The following TLE3 variants were observed in gnomAD, a reference collection of about 807,000 sequenced individuals.
The protein encoded by TLE3 is TLE family member 3, transcriptional corepressor, also known as transducin-like enhancer protein 3.
Under a neutral mutation model 93.0 loss-of-function variants are expected in TLE3, and 14 were observed. That is an observed-to-expected ratio of 0.15 (90% CI 0.10 to 0.24). The LOEUF is 0.24. Ranked by LOEUF, TLE3 falls within the 10% of genes least tolerant of loss-of-function variation. TLE3 has a pLI of 1.00. For missense variants in TLE3, 693 were observed against 1,046.6 expected, an observed-to-expected ratio of 0.66 and a Z score of 4.66; for synonymous variants, 451 against 425.0, an observed-to-expected ratio of 1.06 and a Z score of -0.75.
At chr15:70,062,839 T>G (rs2056581563) in intron 8 of TLE3, among the ~76,000 whole-genome samples, 1 of 152,162 alleles carries the variant, frequency 6.6e-6, no homozygotes. Context: ...CTGCCCAGCA[T>G]CTTGATTCAT....
intron 4 of TLE3, among the ~76,000 whole-genome samples, chr15:70,077,164 T>C (rs902517719): frequency 6.6e-5 from 10 of 152,342 alleles, no homozygotes; most frequent in Admixed American, 6.5e-4. Flanking sequence ...TAGAAAAGAC[T>C]GCATTTAGAA....
At position 70,069,750 on chromosome 15, in the gene TLE3, G is replaced by C. The variant is rs77026603; in HGVS notation, c.373-3532C>G. On this transcript the variant is annotated intron_variant, in intron 6 of 19. Coordinates refer to ENST00000451782, the MANE Select transcript of TLE3 (RefSeq NM_001105192.3). ...CGGAGGGTCCGCTAACAACAATCTT[G>C]GGTACAACAGAGAGTGAAACGAAGA... Among the ~76,000 whole-genome samples, 661 of 152,350 alleles carry C rather than the reference G, an allele frequency of 4.3e-3. 4 individuals are homozygous for C. Among genetic ancestry groups the C allele is most frequent in the African/African-American group, 0.015 (637 of 41,592 alleles).
At chr15:70,094,405 A>T in intron 4 of TLE3, 127 bp downstream of exon 4, 2 of 729,864 alleles carry the variant, frequency 2.7e-6, no homozygotes, top group Non-Finnish European at 4.6e-6. Flanking sequence ...GGATCCATTC[A>T]CTCTTCAAGG....
intron 4 of TLE3, among the ~76,000 whole-genome samples, chr15:70,082,842 C>G (rs117874490): frequency 0.019 from 2,941 of 152,276 alleles, 41 homozygotes; most frequent in South Asian, 0.054. Flanking sequence ...ACTCACCCTT[C>G]CCCAGCTAGG....
intron 8 of TLE3, among the ~76,000 whole-genome samples, chr15:70,061,179 G>A (rs1595891879): frequency 6.6e-6 from 1 of 152,136 alleles, no homozygotes; most frequent in African/African-American, 2.4e-5. Flanking sequence ...CAGTGGAGAT[G>A]AGCAGCCAAG....
chr15:70,081,775 G>A (rs1486397014), intron 4 of TLE3, among the ~76,000 whole-genome samples: 6 of 152,198 alleles, frequency 3.9e-5, no homozygotes, highest in Non-Finnish European at 5.9e-5. Flanking sequence ...ACCAGTTTGC[G>A]GATGTGTGTG....
rs982936169 is a variant in TLE3 at position 70,097,794 on chromosome 15, GCGCA to G, written c.-1000_-997del. On this transcript the variant is annotated 5_prime_UTR_variant, in exon 1 of 20. Coordinates refer to ENST00000451782, the MANE Select transcript of TLE3 (RefSeq NM_001105192.3). The stretch of plus-strand genomic sequence containing the variant: ...ACACACACCCAACACACACACACGC[GCGCA>G]CGCACACACACACACACCAAAAAAA... 4.6e-5 allele frequency: 17 copies of G among 365,896 alleles called. No individual in the cohort carries two copies. The highest frequency in any genetic ancestry group is 5.1e-5 in the Non-Finnish European group (11 of 213,622). 22.7% of individuals were successfully genotyped at this position (365,896 alleles called of 1,614,324 possible). A position where few individuals can be genotyped will look rare whatever the true frequency, so the allele number is the denominator to read the frequency against.
intron 5 of TLE3, among the ~76,000 whole-genome samples, chr15:70,075,137 T>C (rs2057376209): frequency 6.6e-6 from 1 of 152,222 alleles, no homozygotes; most frequent in South Asian, 2.1e-4. Flanking sequence ...ACAAAGTATG[T>C]TTCCAGATGA....
rs141655198 is a variant in TLE3 at position 70,084,700 on chromosome 15, G to A, written c.235-8542C>T. ...AGTTACTCAACCTCTTTAACCGTCA[G>A]TGCTGCTATCTGATGCGTGGCGCCC... On this transcript the variant is annotated intron_variant, in intron 4 of 19. Transcript: ENST00000451782. Among the ~76,000 whole-genome samples, 7 of 152,316 alleles carry A rather than the reference G, an allele frequency of 4.6e-5. No homozygotes were observed. In the South Asian group the frequency reaches 1.0e-3, roughly 23 times the overall value.
chr15:70,063,535 G>A (rs1018184039), intron 8 of TLE3, among the ~76,000 whole-genome samples: 2 of 152,192 alleles, frequency 1.3e-5, no homozygotes, highest in African/African-American at 2.4e-5. Flanking sequence ...AGAGAGCTGC[G>A]CAAGGAAGCT....
intron 4 of TLE3, among the ~76,000 whole-genome samples, chr15:70,082,836 A>G (rs570001153): frequency 3.6e-4 from 54 of 152,056 alleles, no homozygotes; most frequent in African/African-American, 1.3e-3. Context: ...AAACACACTC[A>G]CCCTTCCCCA....
intron 3 of TLE3, 118 bp from the exon 4 acceptor site, chr15:70,094,694 G>C (rs994185960): frequency 3.8e-6 from 3 of 782,736 alleles, no homozygotes; most frequent in Non-Finnish European, 6.1e-6. Flanking sequence ...ATTTGCTAAA[G>C]AAGTTTAAAT....
At position 70,048,659 on chromosome 15, in the gene TLE3, AC is replaced by A. The variant is rs1192500952; in HGVS notation, c.*1437del. 3 of 151,066 alleles carry A rather than the reference AC, an allele frequency of 2.0e-5. No homozygotes were observed. Among genetic ancestry groups the A allele is most frequent in the Non-Finnish European group, 3.0e-5 (2 of 67,624 alleles). The allele number at this position is 151,066 out of a possible 1,614,324, so 9.4% of individuals were successfully genotyped here. A position where few individuals can be genotyped will look rare whatever the true frequency, so the allele number is the denominator to read the frequency against. On this transcript the variant is annotated 3_prime_UTR_variant, in exon 20 of 20. Coordinates refer to ENST00000451782, the MANE Select transcript of TLE3 (RefSeq NM_001105192.3). Reference sequence around the variant, plus strand: ...AAAAAAGACCAAAAGGAAAAAAAAAACAAACAAAAAAAACCCAACCCAAATC... The same window carrying A: ...AAAAAAGACCAAAAGGAAAAAAAAAAAAACAAAAAAAACCCAACCCAAATC...
Position 70,097,742 on chromosome 15 carries a change from C to T in TLE3, c.-944G>A. On this transcript the variant is annotated 5_prime_UTR_variant, in exon 1 of 20. Coordinates refer to ENST00000451782, the MANE Select transcript of TLE3 (RefSeq NM_001105192.3). ...TCCTTCCCCTCGGCCCGGCTCTCCT[C>T]TCCGCGCCCCGGCAAACCCCCAAAA... 1 of 395,446 alleles carries T rather than the reference C, an allele frequency of 2.5e-6. No homozygotes were observed. The highest frequency in any genetic ancestry group is 4.5e-6 in the Non-Finnish European group (1 of 224,498). 24.5% of individuals were successfully genotyped at this position (395,446 alleles called of 1,614,324 possible). A position where few individuals can be genotyped will look rare whatever the true frequency, so the allele number is the denominator to read the frequency against.
chr15:70,096,417 G>C, intron 1 of TLE3, 156 bp from the exon 2 acceptor site: 1 of 1,349,930 alleles, frequency 7.4e-7, no homozygotes, highest in Non-Finnish European at 9.9e-7. Flanking sequence ...GGGGCGGAGG[G>C]GGGGCGCCCC....
chr15:70,056,418 C>T lies in TLE3; in HGVS notation c.1252-44G>A, dbSNP rs754472891. The stretch of plus-strand genomic sequence containing the variant: ...CAGCCCTCCATCAGCCGTGCTGCCA[C>T]ACACCCCCACCCCTGCCTCCTCCAC... On this transcript the variant is annotated intron_variant, in intron 13 of 19. Transcript: ENST00000451782. 65 of 1,573,794 alleles carry T rather than the reference C, an allele frequency of 4.1e-5. 1 individual carries two copies. The Middle Eastern group carries it at 7.3e-4, about 18-fold the overall frequency.
intron 17 of TLE3, 63 bp downstream of exon 17, chr15:70,053,164 C>A: frequency 6.5e-7 from 1 of 1,547,452 alleles, no homozygotes; most frequent in South Asian, 1.2e-5. Context: ...GACCCAGCCA[C>A]TGGGGCCCCG....
chr15:70,060,881 T>C (rs2056429475), intron 8 of TLE3: 1 of 575,014 alleles, frequency 1.7e-6, no homozygotes, highest in South Asian at 1.6e-5. Flanking sequence ...AATTCTCTTT[T>C]GCAGCTCTGC....
At position 70,076,151 on chromosome 15, in the gene TLE3, A is replaced by G. The variant is rs758626912; in HGVS notation, c.242T>C (p.Ile81Thr). The part of the protein sequence containing the change: ...LNIEMHKQTE[I>T]AKRLNTILAQ... ...TAAAATTGTGTTCAGTCTCTTCGCA[A>G]TCTCTGTCTGCAAAGGCAAGGAGAC... Residue 81 changes from isoleucine to threonine, a missense_variant, in exon 5 of 20, where the codon ATT becomes ACT. Physicochemically the swap from Ile to Thr is moderately conservative, Grantham distance 89. Transcript: ENST00000451782. 1 of 1,614,000 alleles carries G rather than the reference A, an allele frequency of 6.2e-7. No homozygotes were observed. Among genetic ancestry groups the G allele is most frequent in the Non-Finnish European group, 8.5e-7 (1 of 1,179,854 alleles).
Sources: allele counts gnomAD v4.1 joint callset (sites outside exome capture counted in the v4.1 genomes callset), GRCh38; gene constraint gnomAD v4.1.1; transcripts MANE v1.5; gene names NCBI Gene and HGNC (gene_info 2026-07-23, HGNC 2026-07-21).